The following TBC1D14 variants were observed in gnomAD, a reference collection of about 807,000 sequenced individuals.
TBC1D14 encodes the protein TBC1 domain family member 14.
A neutral mutation model predicts 79.0 loss-of-function variants in TBC1D14; 26 were observed. The observed-to-expected ratio is 0.33, with a 90% confidence interval of 0.24 to 0.46. TBC1D14 has a LOEUF of 0.46. Among genes scored for constraint, TBC1D14 ranks in the 20% least tolerant of loss-of-function variants. The pLI, the probability that TBC1D14 is intolerant of heterozygous loss-of-function variation, is 1.00. For missense variants in TBC1D14, 769 were observed against 887.6 expected, an observed-to-expected ratio of 0.87 and a Z score of 1.70; for synonymous variants, 394 against 349.9, an observed-to-expected ratio of 1.13 and a Z score of -1.40.
At position 7,031,587 on chromosome 4, in the gene TBC1D14, T is replaced by C. The variant is rs1723051052; in HGVS notation, c.*1195T>C. The C allele has an allele frequency of 6.6e-6, 1 of 152,242 alleles. No homozygotes were observed. The highest frequency in any genetic ancestry group is 2.1e-4 in the South Asian group (1 of 4,836). The allele number at this position is 152,242 out of a possible 1,614,324, so 9.4% of individuals were successfully genotyped here. ...GAACTTTGTGTGAGGACTTTGGTTA[T>C]CCAAAATCACAGAAATGAACCGTTT... On this transcript the variant is annotated 3_prime_UTR_variant, in exon 14 of 14. Coordinates refer to ENST00000409757, the MANE Select transcript of TBC1D14 (RefSeq NM_020773.3).
At chr4:6,994,388 G>T (rs1315823873) in intron 4 of TBC1D14, 86 bp downstream of exon 4, 3 of 1,251,030 alleles carry the variant, frequency 2.4e-6, no homozygotes, top group Admixed American at 1.7e-5. Flanking sequence ...AGAAAAACTA[G>T]GGTCAGAAAA....
Position 6,923,997 on chromosome 4 carries a change from T to C in TBC1D14, c.608T>C (p.Val203Ala). 6.2e-7 allele frequency: 1 copy of C among 1,614,160 alleles called. No individual in the cohort carries two copies. The highest frequency in any genetic ancestry group is 8.5e-7 in the Non-Finnish European group (1 of 1,180,032). ...GACGATGACCCACAGTTTACCAACG[T>C]CACCTTGAGCTCTATCAAGGAAACC... Reference protein sequence around the residue: ...ENDDDPQFTNVTLSSIKETRG... With the variant: ...ENDDDPQFTNATLSSIKETRG... Residue 203 changes from valine (V) to alanine (A), a missense_variant, in exon 2 of 14, where the codon GTC becomes GCC. This residue lies in a region of TBC1D14 where 402 missense variants were observed against 393.2 expected (regional missense o/e 1.02). Transcript: ENST00000409757.
intron 13 of TBC1D14, among the ~76,000 whole-genome samples, chr4:7,026,934 C>G (rs373570087): frequency 6.6e-6 from 1 of 152,010 alleles, no homozygotes; most frequent in East Asian, 1.9e-4. Context: ...ACAGGTTGGC[C>G]AGGTGCAGTG....
chr4:6,974,410 T>C (rs1413579252), intron 3 of TBC1D14, among the ~76,000 whole-genome samples: 1 of 152,122 alleles, frequency 6.6e-6, no homozygotes, highest in East Asian at 1.9e-4. Context: ...ACTGGGGGGA[T>C]TGCAGAGAGG....
chr4:7,003,718 T>C (rs1408247148), intron 7 of TBC1D14, among the ~76,000 whole-genome samples: 1 of 151,582 alleles, frequency 6.6e-6, no homozygotes, highest in East Asian at 1.9e-4. Flanking sequence ...GCCAGAGGAG[T>C]GGCGGGTGCA....
intron 2 of TBC1D14, among the ~76,000 whole-genome samples, chr4:6,938,723 C>T (rs914931571): frequency 2.0e-5 from 3 of 152,242 alleles, no homozygotes; most frequent in Non-Finnish European, 4.4e-5. Flanking sequence ...CCTTGCCTCG[C>T]GGGCCTTCTG....
At chr4:6,950,281 A>C (rs1024725909) in intron 2 of TBC1D14, among the ~76,000 whole-genome samples, 1 of 152,232 alleles carries the variant, frequency 6.6e-6, no homozygotes, top group African/African-American at 2.4e-5. Context: ...TTTTGTGTAT[A>C]GGCCTTGCTA....
chr4:6,927,103 C>CCA (rs989184601), intron 2 of TBC1D14, among the ~76,000 whole-genome samples: 8 of 152,330 alleles, frequency 5.3e-5, no homozygotes, highest in African/African-American at 1.9e-4. Context: ...CCAAGCCTGA[C>CCA]CACAGCCTCC....
chr4:6,912,816 T>C (rs1723110785), intron 1 of TBC1D14, among the ~76,000 whole-genome samples: 1 of 152,354 alleles, frequency 6.6e-6, no homozygotes, highest in Admixed American at 6.5e-5. Flanking sequence ...TAGGGTCTCT[T>C]ACTGTCTTCA....
At chr4:6,934,217 T>G (rs1382933987) in intron 2 of TBC1D14, among the ~76,000 whole-genome samples, 1 of 151,672 alleles carries the variant, frequency 6.6e-6, no homozygotes, top group Non-Finnish European at 1.5e-5. Flanking sequence ...GGAGTGAGCC[T>G]GAGGCCTGCC....
At chr4:7,012,511 T>C (rs115358055) in intron 11 of TBC1D14, among the ~76,000 whole-genome samples, 1,805 of 152,338 alleles carry the variant, frequency 0.012, 16 homozygotes, top group Middle Eastern at 0.037. Context: ...CACACTTATT[T>C]ACAATTGTAA....
chr4:7,026,446 G>C (rs1357457166), intron 13 of TBC1D14, among the ~76,000 whole-genome samples: 6 of 152,210 alleles, frequency 3.9e-5, no homozygotes, highest in African/African-American at 7.2e-5. Flanking sequence ...TTCAAATTCA[G>C]ATGTCATAAA....
intron 11 of TBC1D14, 81 bp downstream of exon 11, chr4:7,010,862 A>C: frequency 1.4e-6 from 2 of 1,472,528 alleles, no homozygotes; most frequent in South Asian, 1.3e-5. Context: ...TTTTCGGTGG[A>C]AAAAAAGAAT....
At chr4:6,938,686 C>G (rs1712581119) in intron 2 of TBC1D14, among the ~76,000 whole-genome samples, 1 of 152,208 alleles carries the variant, frequency 6.6e-6, no homozygotes, top group African/African-American at 2.4e-5. Flanking sequence ...GCCAGGAAGC[C>G]CTCTCCAGCC....
intron 3 of TBC1D14, among the ~76,000 whole-genome samples, chr4:6,992,012 C>T (rs933750269): frequency 6.6e-6 from 1 of 152,172 alleles, no homozygotes; most frequent in African/African-American, 2.4e-5. Flanking sequence ...CTGCCTTTCC[C>T]GTGGTTTCAG....
chr4:7,018,194 A>G lies in TBC1D14; in HGVS notation c.1757+3637A>G, dbSNP rs138608494. On this transcript the variant is annotated intron_variant, in intron 12 of 13. Coordinates refer to ENST00000409757, the MANE Select transcript of TBC1D14 (RefSeq NM_020773.3). ...CCATCACAGCTGGGCCTGCCTCCAC[A>G]TTATGGGTCTGCACTGTGCCTGGCG... is the stretch of plus-strand genomic sequence containing the variant. 3.4e-4 allele frequency among the ~76,000 whole-genome samples: 52 copies of G among 152,262 alleles called. 1 individual carries two copies. The highest frequency in any genetic ancestry group is 1.9e-3 in the South Asian group (9 of 4,824).
At chr4:6,937,644 G>A (rs139057605) in intron 2 of TBC1D14, among the ~76,000 whole-genome samples, 7 of 152,330 alleles carry the variant, frequency 4.6e-5, no homozygotes, top group Admixed American at 1.3e-4. Flanking sequence ...CGTGCTGCGC[G>A]TCTTTCTCCA....
chr4:6,950,191 T>C (rs1713902645), intron 2 of TBC1D14, among the ~76,000 whole-genome samples: 1 of 152,248 alleles, frequency 6.6e-6, no homozygotes, highest in Non-Finnish European at 1.5e-5. Flanking sequence ...GTTAGTTTGC[T>C]GAGAATGATG....
rs2109199111 is a variant in TBC1D14, at chr4:7,001,131, C to T, written c.1164-14C>T. The T allele has an allele frequency of 6.2e-7, 1 of 1,611,624 alleles. No homozygotes were observed. Among genetic ancestry groups the T allele is most frequent in the Non-Finnish European group, 8.5e-7 (1 of 1,177,922 alleles). On this transcript the variant is annotated splice_polypyrimidine_tract_variant and intron_variant, in intron 6 of 13. Coordinates refer to ENST00000409757, the MANE Select transcript of TBC1D14 (RefSeq NM_020773.3). ...GTGGAACAAACTCAAACTCCTGCTT[C>T]TGTTTTTGTCCAGGTGGTGCTCTAG...
Sources: gnomAD v4.1 joint callset for allele counts (sites outside exome capture counted in the v4.1 genomes callset) on GRCh38, gnomAD v4.1.1 for gene constraint, gnomAD v4.1.1 regional missense constraint, MANE v1.5 for transcripts, NCBI Gene and HGNC (gene_info 2026-07-23, HGNC 2026-07-21) for gene names.